GSDME: variants seen among roughly 807,000 people sequenced by gnomAD.
GSDME encodes gasdermin-E.
GSDME carries 44 observed loss-of-function variants against 47.5 expected under a neutral mutation model. That is an observed-to-expected ratio of 0.93 (90% CI 0.73 to 1.19). The LOEUF is 1.19. Among genes scored for constraint, GSDME ranks in the 50% most tolerant of loss-of-function variants. The pLI is 0.00. For missense variants in GSDME, 663 were observed against 604.2 expected (o/e 1.10, Z -1.02); for synonymous variants, 258 against 252.8 (o/e 1.02, Z -0.20).
rs534969563 is a variant in GSDME, at chr7:24,714,009, C to T, written c.697+3245G>A. ...GATGGTGTTAGGGCCAGTGGGGAGA[C>T]GTGCACAGATTCAGGTGCAGCGTGG... On this transcript the variant is annotated intron_variant, in intron 5 of 9. Coordinates refer to ENST00000645220, the MANE Select transcript of GSDME (RefSeq NM_001127453.2). The surrounding 1 kb of genome is among the most constrained non-coding windows in gnomAD (Gnocchi z 5.0). Among the ~76,000 whole-genome samples, 6 of 152,304 alleles carry T rather than the reference C, an allele frequency of 3.9e-5. No homozygotes were observed. Among genetic ancestry groups the T allele is most frequent in the Admixed American group, 6.5e-5 (1 of 15,300 alleles).
At chr7:24,741,361 A>C (rs1374247230) in intron 3 of GSDME, among the ~76,000 whole-genome samples, 1 of 152,182 alleles carries the variant, frequency 6.6e-6, no homozygotes, top group Non-Finnish European at 1.5e-5. Context: ...AAAAAGACTC[A>C]ATAAATTTGT....
chr7:24,713,221 T>C (rs750656779), intron 5 of GSDME, among the ~76,000 whole-genome samples: 4 of 152,156 alleles, frequency 2.6e-5, no homozygotes, highest in Non-Finnish European at 4.4e-5. Flanking sequence ...CAGCAAGGCC[T>C]GTCTCTTCAC....
At chr7:24,699,786 T>C (rs189919312) in intron 9 of GSDME, among the ~76,000 whole-genome samples, 19 of 152,348 alleles carry the variant, frequency 1.2e-4, no homozygotes, top group African/African-American at 4.1e-4. Context: ...CTCCAAACTC[T>C]TTCTACTAGT....
chr7:24,708,406 C>G, intron 6 of GSDME, 152 bp from the exon 7 acceptor site: 1 of 973,572 alleles, frequency 1.0e-6, no homozygotes, highest in South Asian at 1.4e-5. Flanking sequence ...AAATAAACAT[C>G]AAGTTACAAG....
chr7:24,704,753 T>A (rs1316678528), intron 8 of GSDME: 5 of 152,076 alleles, frequency 3.3e-5, no homozygotes, highest in Non-Finnish European at 5.9e-5. Context: ...TGGACTGCAA[T>A]GGCGTCCATA....
chr7:24,752,819 C>CA (rs1457675033), intron 1 of GSDME, among the ~76,000 whole-genome samples: 2 of 152,198 alleles, frequency 1.3e-5, no homozygotes, highest in East Asian at 1.9e-4. Context: ...GGAGTTCACT[C>CA]ACGCACTTGC....
upstream of GSDME, among the ~76,000 whole-genome samples, chr7:24,760,267 G>A (rs1445381423): frequency 2.0e-5 from 3 of 152,114 alleles, no homozygotes; most frequent in Admixed American, 6.5e-5. The surrounding 1 kb of genome is among the most constrained non-coding windows in gnomAD (Gnocchi z 4.2). Context: ...ACTCATTACC[G>A]GGATTTATTT....
chr7:24,707,246 A>G (rs1461913440), intron 7 of GSDME: 4 of 466,226 alleles, frequency 8.6e-6, no homozygotes, highest in Admixed American at 2.4e-5. Context: ...CCTGCATAAT[A>G]TAATAGAAAA....
chr7:24,762,104 A>T (rs189092672), upstream of GSDME, among the ~76,000 whole-genome samples: 12 of 152,102 alleles, frequency 7.9e-5, no homozygotes, highest in Admixed American at 1.3e-4. Context: ...AAATGCAAAA[A>T]ATTAGCCAGT....
the GSDME span, among the ~76,000 whole-genome samples, chr7:24,785,120 T>A: frequency 6.6e-6 from 1 of 152,202 alleles, no homozygotes; most frequent in Non-Finnish European, 1.5e-5. Flanking sequence ...CTGATGCCTG[T>A]TTTTTAAAAA....
intron 7 of GSDME, among the ~76,000 whole-genome samples, chr7:24,706,706 C>T (rs370894691): frequency 6.6e-6 from 1 of 152,212 alleles, no homozygotes; most frequent in African/African-American, 2.4e-5. Context: ...GTTCAAGCAT[C>T]GTCTTGTCTT....
At chr7:24,784,590 G>A in the GSDME span, among the ~76,000 whole-genome samples, 1 of 150,610 alleles carries the variant, frequency 6.6e-6, no homozygotes, top group Non-Finnish European at 1.5e-5. Flanking sequence ...CAAGCCAGCT[G>A]ATCCCACCTT....
At chr7:24,729,865 C>T (rs1242581630) in intron 3 of GSDME, among the ~76,000 whole-genome samples, 1 of 152,094 alleles carries the variant, frequency 6.6e-6, no homozygotes, top group Non-Finnish European at 1.5e-5. Flanking sequence ...CGACTGGCTA[C>T]CCTGTGGAGA....
intron 4 of GSDME, among the ~76,000 whole-genome samples, chr7:24,717,711 T>G (rs1035972897): frequency 1.3e-5 from 2 of 152,144 alleles, no homozygotes; most frequent in Non-Finnish European, 2.9e-5. Flanking sequence ...TGGAAACAAC[T>G]GAAATCCTAA....
chr7:24,785,639 C>A, the GSDME span, among the ~76,000 whole-genome samples: 1 of 152,078 alleles, frequency 6.6e-6, no homozygotes, highest in South Asian at 2.1e-4. Context: ...TGTATTTTAG[C>A]AGAGATGGGG....
intron 5 of GSDME, among the ~76,000 whole-genome samples, chr7:24,713,813 C>T (rs1022167280): frequency 4.6e-5 from 7 of 152,200 alleles, no homozygotes; most frequent in Non-Finnish European, 7.3e-5. Context: ...TAGCCAGTTA[C>T]GAGTCTGTGG....
chr7:24,709,038 A>G (rs1369325292), intron 6 of GSDME, among the ~76,000 whole-genome samples: 2 of 152,236 alleles, frequency 1.3e-5, no homozygotes, highest in Non-Finnish European at 2.9e-5. Context: ...TGTACCACCC[A>G]TGAGGATGGA....
intron 2 of GSDME, among the ~76,000 whole-genome samples, chr7:24,747,928 A>T (rs1404077429): frequency 1.3e-5 from 2 of 152,076 alleles, no homozygotes; most frequent in Admixed American, 1.3e-4. Flanking sequence ...TCGGCCTCCC[A>T]AAGTGCTGGA....
intron 8 of GSDME, chr7:24,703,648 G>A (rs1234524331): frequency 6.5e-6 from 1 of 153,242 alleles, no homozygotes; most frequent in Non-Finnish European, 1.5e-5. Context: ...TGTGTTAGCA[G>A]CCTTATTTGT....
Sources: gnomAD v4.1 joint callset for allele counts (sites outside exome capture counted in the v4.1 genomes callset) on GRCh38, gnomAD v4.1.1 for gene constraint, Gnocchi (gnomAD v3.1) non-coding constraint, MANE v1.5 for transcripts, NCBI Gene and HGNC (gene_info 2026-07-23, HGNC 2026-07-21) for gene names.